SLC25A13: variants seen among roughly 807,000 people sequenced by gnomAD.
The protein encoded by SLC25A13 is solute carrier family 25 member 13.
SLC25A13 carries 70 observed loss-of-function variants against 85.5 expected under a neutral mutation model. The ratio of observed to expected loss-of-function variants is 0.82; its 90% CI spans 0.68 to 1.00. SLC25A13 has a LOEUF of 1.00. Among genes scored for constraint, SLC25A13 ranks in the 50% least tolerant of loss-of-function variants. The probability of loss-of-function intolerance (pLI) is 0.00; values close to 1 mark genes in which losing one functional copy is unlikely to be tolerated. For missense variants in SLC25A13, 765 were observed against 819.8 expected (o/e 0.93, Z 0.82); for synonymous variants, 259 against 288.7 (o/e 0.90, Z 1.04).
chr7:96,163,114 A>G (rs1333442745), intron 13 of SLC25A13, among the ~76,000 whole-genome samples: 1 of 152,170 alleles, frequency 6.6e-6, no homozygotes, highest in African/African-American at 2.4e-5. Context: ...TATTCCTATT[A>G]CGATGTAGGG....
At chr7:96,309,250 T>C (rs928322398) in intron 1 of SLC25A13, among the ~76,000 whole-genome samples, 2 of 152,180 alleles carry the variant, frequency 1.3e-5, no homozygotes. Context: ...CTGCTGGGAA[T>C]TTTGCCCTCT....
chr7:96,167,847 C>T (rs1793818583), intron 13 of SLC25A13, among the ~76,000 whole-genome samples: 2 of 152,112 alleles, frequency 1.3e-5, no homozygotes, highest in South Asian at 4.1e-4. Context: ...TGCCTGTAAT[C>T]CCAGCATTTT....
At chr7:96,271,279 GATT>G (rs1562892340) in intron 3 of SLC25A13, among the ~76,000 whole-genome samples, 2 of 151,992 alleles carry the variant, frequency 1.3e-5, no homozygotes, top group African/African-American at 2.4e-5. Context: ...ACCCTCATTT[GATT>G]ATTACACATT....
At chr7:96,149,222 T>C (rs1792921717) in intron 13 of SLC25A13, among the ~76,000 whole-genome samples, 1 of 152,242 alleles carries the variant, frequency 6.6e-6, no homozygotes. Flanking sequence ...AATGCCACAG[T>C]TTCTAATCCC....
intron 4 of SLC25A13, among the ~76,000 whole-genome samples, chr7:96,232,671 A>T (rs1319491891): frequency 1.3e-5 from 2 of 149,908 alleles, no homozygotes; most frequent in Admixed American, 6.6e-5. Context: ...AAAAACAGAA[A>T]ATCTTTTCCT....
At chr7:96,269,773 T>C (rs534451819) in intron 3 of SLC25A13, among the ~76,000 whole-genome samples, 7 of 152,306 alleles carry the variant, frequency 4.6e-5, no homozygotes, top group South Asian at 2.1e-4. Flanking sequence ...TGGAATACTA[T>C]TAAGCCTTTA....
chr7:96,300,944 T>C (rs1278000012), intron 1 of SLC25A13, among the ~76,000 whole-genome samples: 2 of 152,228 alleles, frequency 1.3e-5, no homozygotes, highest in Admixed American at 6.5e-5. Context: ...TCCTATCTTC[T>C]TGTTTTAAGT....
At chr7:96,299,708 C>T (rs1280038785) in intron 1 of SLC25A13, among the ~76,000 whole-genome samples, 1 of 152,170 alleles carries the variant, frequency 6.6e-6, no homozygotes, top group Admixed American at 6.5e-5. Flanking sequence ...GGATAACATT[C>T]TGAAAAATGC....
chr7:96,147,935 T>C lies in SLC25A13; in HGVS notation c.1312-1239A>G, dbSNP rs569268653. 2.0e-5 allele frequency among the ~76,000 whole-genome samples: 3 copies of C among 152,220 alleles called. No homozygotes were observed. The East Asian group carries it at 5.8e-4, about 29-fold the overall frequency. ...TTACAAGTATCTTTCTTTTCCTTTT[T>C]TTTTTTTGATGTATTTGAAATTTTT... On this transcript the variant is annotated intron_variant, in intron 13 of 17. Transcript: ENST00000265631.
At chr7:96,222,665 C>T (rs1489136772) in intron 4 of SLC25A13, among the ~76,000 whole-genome samples, 1 of 151,982 alleles carries the variant, frequency 6.6e-6, no homozygotes, top group Non-Finnish European at 1.5e-5. Context: ...AGGATGGTCT[C>T]GATCTCTTGA....
chr7:96,168,626 C>T (rs1199359874), intron 13 of SLC25A13, among the ~76,000 whole-genome samples: 1 of 152,182 alleles, frequency 6.6e-6, no homozygotes, highest in Non-Finnish European at 1.5e-5. Flanking sequence ...AACCTCTGGG[C>T]ACCATGCCAT....
chr7:96,132,603 G>A (rs1792081809), intron 14 of SLC25A13, among the ~76,000 whole-genome samples: 2 of 152,222 alleles, frequency 1.3e-5, no homozygotes, highest in East Asian at 1.9e-4. Context: ...GAGGCCCCGC[G>A]AATTGATGAG....
intron 3 of SLC25A13, among the ~76,000 whole-genome samples, chr7:96,266,804 G>C: frequency 6.6e-6 from 1 of 152,086 alleles, no homozygotes; most frequent in East Asian, 1.9e-4. Context: ...CAAAAAGAAA[G>C]GGGGTTAATC....
intron 3 of SLC25A13, among the ~76,000 whole-genome samples, chr7:96,237,155 G>A (rs537822527): frequency 6.6e-6 from 1 of 152,184 alleles, no homozygotes; most frequent in Non-Finnish European, 1.5e-5. Flanking sequence ...TGTAAGGCTG[G>A]TAGAGAAAGT....
chr7:96,191,287 A>T, intron 6 of SLC25A13, 40 bp from the exon 7 acceptor site: 2 of 1,605,620 alleles, frequency 1.2e-6, no homozygotes, highest in African/African-American at 1.3e-5. Flanking sequence ...AAAATATACA[A>T]AAGATTTATA....
intron 1 of SLC25A13, among the ~76,000 whole-genome samples, chr7:96,297,749 C>G (rs1361546082): frequency 6.6e-6 from 1 of 152,142 alleles, no homozygotes; most frequent in African/African-American, 2.4e-5. Flanking sequence ...CCTGGGCATG[C>G]CAAAGAACCT....
intron 13 of SLC25A13, among the ~76,000 whole-genome samples, chr7:96,155,350 A>C (rs1189811499): frequency 6.6e-6 from 1 of 152,190 alleles, no homozygotes; most frequent in Non-Finnish European, 1.5e-5. Context: ...CTTCTAGCAG[A>C]GGGAAAGATA....
At chr7:96,299,971 T>C (rs1401788339) in intron 1 of SLC25A13, among the ~76,000 whole-genome samples, 1 of 152,218 alleles carries the variant, frequency 6.6e-6, no homozygotes, top group Non-Finnish European at 1.5e-5. Context: ...TCCACTATAA[T>C]TTATGGAGCC....
chr7:96,134,074 G>T (rs1460917200), intron 14 of SLC25A13, among the ~76,000 whole-genome samples: 1 of 149,850 alleles, frequency 6.7e-6, no homozygotes, highest in African/African-American at 2.5e-5. Flanking sequence ...GGTTGCCCAG[G>T]CTGGAATGCA....
Sources: gnomAD v4.1 joint callset for allele counts (sites outside exome capture counted in the v4.1 genomes callset) on GRCh38, gnomAD v4.1.1 for gene constraint, MANE v1.5 for transcripts, NCBI Gene and HGNC (gene_info 2026-07-23, HGNC 2026-07-21) for gene names.